MTHFD1: variants seen among roughly 807,000 people sequenced by gnomAD.
MTHFD1 encodes methylenetetrahydrofolate dehydrogenase, cyclohydrolase and formyltetrahydrofolate synthetase 1.
MTHFD1 carries 44 observed loss-of-function variants against 110.3 expected under a neutral mutation model. That is an observed-to-expected ratio of 0.40 (90% CI 0.31 to 0.51). The LOEUF is 0.51. Among genes scored for constraint, MTHFD1 ranks in the 20% least tolerant of loss-of-function variants. The pLI is 0.60. For synonymous variants in MTHFD1, 402 were observed against 428.8 expected (o/e 0.94, Z 0.77); for missense variants, 909 against 1,173.1 (o/e 0.77, Z 3.29).
At chr14:64,424,718 C>CT in intron 8 of MTHFD1, 86 bp from the exon 9 acceptor site, 2 of 1,489,198 alleles carry the variant, frequency 1.3e-6, no homozygotes, top group South Asian at 2.4e-5. Context: ...CTAACACACC[C>CT]TACAATTCTG....
At chr14:64,457,323 CT>C (rs1398678635) in intron 26 of MTHFD1, among the ~76,000 whole-genome samples, 2 of 152,198 alleles carry the variant, frequency 1.3e-5, no homozygotes, top group Non-Finnish European at 2.9e-5. Flanking sequence ...AGCAACTCCT[CT>C]ACTCCCCAGC....
At chr14:64,420,268 A>G (rs964234726) in intron 8 of MTHFD1, among the ~76,000 whole-genome samples, 1 of 152,210 alleles carries the variant, frequency 6.6e-6, no homozygotes, top group African/African-American at 2.4e-5. Flanking sequence ...GATTTAAAAT[A>G]CAGTATAATT....
rs1052316112 is a variant in MTHFD1, at chr14:64,417,289, T to C, written c.479-599T>C. 1.3e-5 allele frequency among the ~76,000 whole-genome samples: 2 copies of C among 152,218 alleles called. No homozygotes were observed. Among genetic ancestry groups the C allele is most frequent in the African/African-American group, 4.8e-5 (2 of 41,466 alleles). ...GTATGAGTCAGCCCTGAAAAGGACA[T>C]TGGTATATTGCCAGAAAAATGGATG... On this transcript the variant is annotated intron_variant, in intron 6 of 27. Coordinates refer to ENST00000652337, the MANE Select transcript of MTHFD1 (RefSeq NM_005956.4). This position sits in a 1 kb window ranked among gnomAD's most constrained non-coding sequence, Gnocchi z 4.4.
At chr14:64,439,901 A>G (rs1321304211) in intron 17 of MTHFD1, among the ~76,000 whole-genome samples, 232 of 147,802 alleles carry the variant, frequency 1.6e-3, no homozygotes, top group South Asian at 2.8e-3. Flanking sequence ...CTCCAAAAAA[A>G]AAAAAAAAAA....
At chr14:64,448,476 G>A (rs2078314622) in intron 23 of MTHFD1, 159 bp downstream of exon 23, 5 of 679,088 alleles carry the variant, frequency 7.4e-6, no homozygotes, top group Middle Eastern at 2.4e-4. Flanking sequence ...ACGTCACTGC[G>A]GGCTCACCAC....
intron 2 of MTHFD1, among the ~76,000 whole-genome samples, chr14:64,406,042 TTATTA>T: frequency 7.4e-6 from 1 of 135,284 alleles, no homozygotes; most frequent in Non-Finnish European, 1.6e-5. Flanking sequence ...ATTATTATTA[TTATTA>T]TTTTTTTTGA....
At chr14:64,446,048 G>T (rs1043692602) in intron 22 of MTHFD1, among the ~76,000 whole-genome samples, 1 of 151,976 alleles carries the variant, frequency 6.6e-6, no homozygotes, top group South Asian at 2.1e-4. Context: ...GGTTTTGCTC[G>T]ATGATTCAGT....
intron 2 of MTHFD1, among the ~76,000 whole-genome samples, chr14:64,405,801 A>G (rs2077931481): frequency 6.6e-6 from 1 of 152,016 alleles, no homozygotes; most frequent in Non-Finnish European, 1.5e-5. Flanking sequence ...ATCACAATCT[A>G]TCCAGCCACA....
chr14:64,444,798 C>A, intron 22 of MTHFD1, 64 bp downstream of exon 22: 1 of 1,567,794 alleles, frequency 6.4e-7, no homozygotes, highest in Non-Finnish European at 8.8e-7. Context: ...AGCATTTCTC[C>A]ACCTGGCCCA....
Position 64,388,703 on chromosome 14 carries a change from G to T in MTHFD1, c.41+235G>T, listed in dbSNP as rs756976072. The T allele has an allele frequency of 1.3e-4, 77 of 597,528 alleles. 1 individual carries two copies. The highest frequency in any genetic ancestry group is 2.1e-4 in the Non-Finnish European group (71 of 335,080). The allele number at this position is 597,528 out of a possible 1,614,324, so 37.0% of individuals were successfully genotyped here. On this transcript the variant is annotated intron_variant, in intron 1 of 27. Coordinates refer to ENST00000652337, the MANE Select transcript of MTHFD1 (RefSeq NM_005956.4). Reference sequence around the variant, plus strand: ...GTGCTTCGGGGAAAAGTCCTGTGCCGACTATGCTCCCAAACGCGCAGCTGC... The same window carrying T: ...GTGCTTCGGGGAAAAGTCCTGTGCCTACTATGCTCCCAAACGCGCAGCTGC...
chr14:64,433,388 G>C (rs2078175824), intron 15 of MTHFD1, among the ~76,000 whole-genome samples: 1 of 151,724 alleles, frequency 6.6e-6, no homozygotes. Context: ...CAAAGTGCTG[G>C]GATTACAGGC....
chr14:64,398,582 T>A (rs1043872757), intron 1 of MTHFD1, among the ~76,000 whole-genome samples: 4 of 152,120 alleles, frequency 2.6e-5, no homozygotes, highest in African/African-American at 7.2e-5. Context: ...TCAAAATAAA[T>A]AAAATTTGAA....
rs562211032 is a variant in MTHFD1 at position 64,388,552 on chromosome 14, G to A, written c.41+84G>A. 7 of 1,267,706 alleles carry A rather than the reference G, an allele frequency of 5.5e-6. No homozygotes were observed. The African/African-American group carries it at 1.0e-4, about 19-fold the overall frequency. The allele number at this position is 1,267,706 out of a possible 1,614,324, so 78.5% of individuals were successfully genotyped here. A position where few individuals can be genotyped will look rare whatever the true frequency, so the allele number is the denominator to read the frequency against. Reference sequence around the variant, plus strand: ...CAGGTCCCCCGGACCCATTTTTTGCGGGAGGGACACTTGTAGCGGAAGAGT... The same window carrying A: ...CAGGTCCCCCGGACCCATTTTTTGCAGGAGGGACACTTGTAGCGGAAGAGT... On this transcript the variant is annotated intron_variant, in intron 1 of 27. Coordinates refer to ENST00000652337, the MANE Select transcript of MTHFD1 (RefSeq NM_005956.4).
chr14:64,445,188 G>A (rs2078280543), intron 22 of MTHFD1: 1 of 229,406 alleles, frequency 4.4e-6, no homozygotes, highest in Non-Finnish European at 8.7e-6. Flanking sequence ...TAGACTAATA[G>A]CAGTTCCCTT....
intron 14 of MTHFD1, 35 bp from the exon 15 acceptor site, chr14:64,431,752 T>G: frequency 1.2e-6 from 2 of 1,606,482 alleles, no homozygotes; most frequent in Non-Finnish European, 1.7e-6. Context: ...GCAGTGGGGC[T>G]CCTCTCATTT....
In MTHFD1 at chr14:64,426,006, T is replaced by G. The variant is rs778102898; in HGVS notation, c.954-13T>G. The G allele has an allele frequency of 1.9e-6, 3 of 1,613,358 alleles. No homozygotes were observed. Among genetic ancestry groups the G allele is most frequent in the Non-Finnish European group, 2.5e-6 (3 of 1,179,934 alleles). On this transcript the variant is annotated splice_polypyrimidine_tract_variant and intron_variant, in intron 10 of 27. Transcript: ENST00000652337. ...TGGATAAACATTAATACCTATTTTC[T>G]ATGTTTCCAAAGTGACATTGATATA...
intron 15 of MTHFD1, 49 bp downstream of exon 15, chr14:64,431,910 CTG>C: frequency 6.6e-7 from 1 of 1,508,864 alleles, no homozygotes; most frequent in East Asian, 2.3e-5. Context: ...AATCTGGAAT[CTG>C]ATCATTGATT....
At chr14:64,389,237 C>G (rs886320932) in intron 1 of MTHFD1, 11 of 152,228 alleles carry the variant, frequency 7.2e-5, no homozygotes, top group Admixed American at 7.2e-4. Flanking sequence ...AATATATTCC[C>G]TCTAGTAGAT....
intron 8 of MTHFD1, among the ~76,000 whole-genome samples, chr14:64,421,579 C>G (rs1189624988): frequency 2.6e-5 from 4 of 151,996 alleles, no homozygotes; most frequent in African/African-American, 9.7e-5. Flanking sequence ...TGAATACTTG[C>G]GATATGACAT....
Sources: allele counts gnomAD v4.1 joint callset (sites outside exome capture counted in the v4.1 genomes callset), GRCh38; gene constraint gnomAD v4.1.1; non-coding constraint Gnocchi (gnomAD v3.1); transcripts MANE v1.5; gene names NCBI Gene and HGNC (gene_info 2026-07-23, HGNC 2026-07-21).